Variants in SLC41A3 observed in about 807,000 individuals in gnomAD.
SLC41A3 encodes the protein solute carrier family 41 member 3, also known as SLC41A1-like 2.
In SLC41A3, 44 loss-of-function variants were observed where a neutral mutation model predicts 45.4. The observed-to-expected ratio is 0.97, with a 90% CI of 0.76 to 1.25. The LOEUF is 1.25. Ranked by LOEUF, SLC41A3 falls within the 50% of genes most tolerant of loss-of-function variation. SLC41A3 has a pLI of 0.00. For missense variants in SLC41A3, 550 were observed against 600.6 expected (o/e 0.92, Z 0.88); for synonymous variants, 256 against 252.4 (o/e 1.01, Z -0.13).
chr3:126,033,606 C>A lies in SLC41A3; in HGVS notation c.453+1G>T. The A allele has an allele frequency of 6.2e-7, 1 of 1,611,834 alleles. No homozygotes were observed. Among genetic ancestry groups the A allele is most frequent in the Middle Eastern group, 1.7e-4 (1 of 5,984 alleles). ...GAGGGTCGGACAAGGTGAAGACTCA[C>A]CTGGATGAGGGCCAGGTTGCTGCTG... On this transcript the variant is annotated splice_donor_variant, in intron 4 of 10. Transcript: ENST00000360370. LOFTEE classifies it high-confidence loss of function.
At chr3:126,024,453 C>T (rs1941172798) in intron 5 of SLC41A3, 1 of 152,286 alleles carries the variant, frequency 6.6e-6, no homozygotes, top group Non-Finnish European at 1.5e-5. Flanking sequence ...CCGTCCATGC[C>T]TGCGCAGGCT....
At chr3:126,098,774 C>T (rs1201748535) in intron 1 of SLC41A3, among the ~76,000 whole-genome samples, 1 of 152,214 alleles carries the variant, frequency 6.6e-6, no homozygotes, top group Non-Finnish European at 1.5e-5. Flanking sequence ...AAATGGATTC[C>T]AGGTTGGTGC....
chr3:126,042,337 A>G (rs1477360898), intron 3 of SLC41A3, among the ~76,000 whole-genome samples: 2 of 152,188 alleles, frequency 1.3e-5, no homozygotes, highest in African/African-American at 4.8e-5. Context: ...GGAGAGAAAA[A>G]GCACATCCAC....
intron 3 of SLC41A3, among the ~76,000 whole-genome samples, chr3:126,035,970 G>C (rs1453876944): frequency 4.6e-5 from 7 of 152,196 alleles, no homozygotes; most frequent in African/African-American, 1.7e-4. Flanking sequence ...AGTTCAAAGA[G>C]AAAACCAGTG....
intron 1 of SLC41A3, 52 bp from the exon 2 acceptor site, chr3:126,068,298 C>T: frequency 6.9e-7 from 1 of 1,447,232 alleles, no homozygotes; most frequent in Admixed American, 2.5e-5. Flanking sequence ...TCCCATGGCG[C>T]TAACACCCAA....
chr3:126,037,966 G>T (rs532012927), intron 3 of SLC41A3, among the ~76,000 whole-genome samples: 2 of 152,358 alleles, frequency 1.3e-5, no homozygotes, highest in South Asian at 4.1e-4. Context: ...ATCCCTGGCT[G>T]TTCCAGCTTC....
chr3:126,016,905 C>T (rs745884639), intron 6 of SLC41A3, 30 bp from the exon 7 acceptor site: 14 of 1,605,062 alleles, frequency 8.7e-6, no homozygotes, highest in African/African-American at 1.3e-5. Context: ...ACACGCAGCT[C>T]ATGTGGCCAA....
chr3:126,030,439 T>C (rs1204783535), intron 4 of SLC41A3, among the ~76,000 whole-genome samples: 1 of 152,112 alleles, frequency 6.6e-6, no homozygotes, highest in Non-Finnish European at 1.5e-5. Flanking sequence ...GATCAACTTC[T>C]CTAGTAGTTA....
intron 8 of SLC41A3, 108 bp downstream of exon 8, chr3:126,015,386 G>T: frequency 9.2e-7 from 1 of 1,089,356 alleles, no homozygotes; most frequent in Non-Finnish European, 1.4e-6. Flanking sequence ...CTGCCCAACT[G>T]CCTGTGCGGG....
At chr3:126,056,418 C>A (rs201848949) in intron 2 of SLC41A3, 29 of 1,614,096 alleles carry the variant, frequency 1.8e-5, no homozygotes, top group Middle Eastern at 1.6e-4. Flanking sequence ...GCAGAATGGG[C>A]ACCACGACCT....
At position 126,059,592 on chromosome 3, in the gene SLC41A3, ATC is replaced by A. The variant is rs763704562; in HGVS notation, c.273+8353_273+8354del. Among the ~76,000 whole-genome samples, 160 of 152,252 alleles carry A rather than the reference ATC, an allele frequency of 1.1e-3. 1 individual carries two copies. The highest frequency in any genetic ancestry group is 9.7e-4 in the East Asian group (5 of 5,152). On this transcript the variant is annotated intron_variant, in intron 2 of 10. Coordinates refer to ENST00000360370, the MANE Select transcript of SLC41A3 (RefSeq NM_017836.4). ...TGAAGAAAATGAACAGTTTCCCAAGATCACACAGCAAGTTAGTGTCAAAGGCA... is the reference window on the plus strand; with the variant it reads ...TGAAGAAAATGAACAGTTTCCCAAGAACACAGCAAGTTAGTGTCAAAGGCA...
intron 6 of SLC41A3, among the ~76,000 whole-genome samples, chr3:126,018,636 T>TA (rs1241477470): frequency 6.6e-6 from 1 of 152,202 alleles, no homozygotes; most frequent in Admixed American, 6.5e-5. Flanking sequence ...TGGGGAGTGA[T>TA]AAACTGCAGC....
intron 3 of SLC41A3, among the ~76,000 whole-genome samples, chr3:126,047,920 A>G (rs560704356): frequency 1.3e-4 from 20 of 152,322 alleles, no homozygotes; most frequent in African/African-American, 4.3e-4. Context: ...TCTGTGCATT[A>G]AAGGACATAA....
intron 1 of SLC41A3, among the ~76,000 whole-genome samples, chr3:126,075,439 CT>C (rs35369542): frequency 6.8e-6 from 1 of 147,264 alleles, no homozygotes; most frequent in African/African-American, 2.5e-5. Flanking sequence ...TTCCAGTGGT[CT>C]TTTTTTTTTC....
chr3:126,093,331 G>A (rs1173307998), intron 1 of SLC41A3, among the ~76,000 whole-genome samples: 1 of 152,164 alleles, frequency 6.6e-6, no homozygotes, highest in Non-Finnish European at 1.5e-5. Flanking sequence ...TGTAACTCTA[G>A]GTTTGATAAA....
intron 6 of SLC41A3, among the ~76,000 whole-genome samples, chr3:126,020,323 A>T (rs1042130092): frequency 2.0e-5 from 3 of 151,946 alleles, no homozygotes; most frequent in Non-Finnish European, 4.4e-5. Flanking sequence ...GGCCTCAAAA[A>T]ATCTCTGAAA....
At chr3:126,012,493 T>C (rs1010231704) in intron 9 of SLC41A3, 122 bp downstream of exon 9, 5 of 1,290,266 alleles carry the variant, frequency 3.9e-6, no homozygotes, top group Non-Finnish European at 4.3e-6. Flanking sequence ...CTGAAGGTGA[T>C]GTGTGCCGAG....
At chr3:126,071,338 G>A (rs1944606929) in intron 1 of SLC41A3, among the ~76,000 whole-genome samples, 1 of 152,074 alleles carries the variant, frequency 6.6e-6, no homozygotes, top group Admixed American at 6.6e-5. Context: ...TGATAAAAGG[G>A]TCAATCTATC....
At chr3:126,033,810 C>T (rs1941984455) in intron 3 of SLC41A3, 132 bp from the exon 4 acceptor site, 1 of 912,988 alleles carries the variant, frequency 1.1e-6, no homozygotes, top group African/African-American at 1.7e-5. Flanking sequence ...AAAAATTCCT[C>T]TGCTCAGCTC....
Sources: allele counts gnomAD v4.1 joint callset (sites outside exome capture counted in the v4.1 genomes callset), GRCh38; gene constraint gnomAD v4.1.1; transcripts MANE v1.5; gene names NCBI Gene and HGNC (gene_info 2026-07-23, HGNC 2026-07-21).